The following USP28 variants were observed in gnomAD, a reference collection of about 807,000 sequenced individuals.
The protein encoded by USP28 is ubiquitin carboxyl-terminal hydrolase 28.
A neutral mutation model predicts 145.0 loss-of-function variants in USP28; 113 were observed. The ratio of observed to expected loss-of-function variants is 0.78; its 90% CI spans 0.67 to 0.91. The LOEUF is 0.91. Ranked by LOEUF, USP28 falls within the 40% of genes least tolerant of loss-of-function variation. USP28 has a pLI of 0.00. For missense variants in USP28, 1,201 were observed against 1,289.6 expected (o/e 0.93, Z 1.05); for synonymous variants, 447 against 450.9 (o/e 0.99, Z 0.11).
At chr11:113,869,161 G>T (rs535546914) in intron 1 of USP28, among the ~76,000 whole-genome samples, 1 of 151,974 alleles carries the variant, frequency 6.6e-6, no homozygotes, top group African/African-American at 2.4e-5. Flanking sequence ...GGCTGGGTTC[G>T]GTGGCTCACG....
intron 5 of USP28, among the ~76,000 whole-genome samples, chr11:113,839,687 G>A (rs1410413900): frequency 6.6e-6 from 1 of 152,094 alleles, no homozygotes. Context: ...TCAGGAGTTC[G>A]AGACCAACCT....
chr11:113,847,138 A>G (rs1005783473), intron 3 of USP28, among the ~76,000 whole-genome samples: 1 of 152,218 alleles, frequency 6.6e-6, no homozygotes, highest in African/African-American at 2.4e-5. Context: ...GCTGCTGAAA[A>G]TGCTAAGTGA....
chr11:113,833,591 A>G (rs1203210063), intron 6 of USP28, 34 bp from the exon 7 acceptor site: 1 of 1,575,472 alleles, frequency 6.3e-7, no homozygotes, highest in Non-Finnish European at 8.6e-7. Context: ...CTCTTACAAT[A>G]TCTCATTTAG....
chr11:113,874,443 A>AAAC, intron 1 of USP28: 2 of 1,118,068 alleles, frequency 1.8e-6, no homozygotes, highest in African/African-American at 1.7e-5. Flanking sequence ...AAAAAAAAAA[A>AAAC]AAAAAAGTGT....
intron 2 of USP28, 42 bp from the exon 3 acceptor site, chr11:113,852,675 A>G: frequency 6.2e-7 from 1 of 1,607,768 alleles, no homozygotes; most frequent in Non-Finnish European, 8.5e-7. Context: ...AAGTAATCAT[A>G]GAATTTAAAA....
intron 1 of USP28, among the ~76,000 whole-genome samples, chr11:113,862,789 C>A (rs1947827112): frequency 6.6e-6 from 1 of 152,028 alleles, no homozygotes; most frequent in Non-Finnish European, 1.5e-5. Context: ...AGAAAAAAAA[C>A]AATGGTCACC....
chr11:113,861,493 C>G (rs1373426078), intron 1 of USP28, among the ~76,000 whole-genome samples: 2 of 151,998 alleles, frequency 1.3e-5, no homozygotes, highest in African/African-American at 4.8e-5. Flanking sequence ...ACTATTATAT[C>G]ATGTAGAGGG....
At chr11:113,839,720 C>G (rs1313637803) in intron 5 of USP28, among the ~76,000 whole-genome samples, 3 of 152,084 alleles carry the variant, frequency 2.0e-5, no homozygotes, top group Non-Finnish European at 4.4e-5. Context: ...GAAACCCTGT[C>G]TCTACTAAAA....
chr11:113,815,196 A>T (rs757591621), exon 14 of USP28: 8 of 1,613,986 alleles, frequency 5.0e-6, no homozygotes, highest in Non-Finnish European at 6.8e-6. Context: ...GTTCAATCTC[A>T]CTCCTCCATC....
intron 23 of USP28, 104 bp downstream of exon 24, chr11:113,803,054 C>T: frequency 7.7e-7 from 1 of 1,297,620 alleles, no homozygotes. Flanking sequence ...GGGAAATCTA[C>T]AACCTGTTGG....
intron 1 of USP28, among the ~76,000 whole-genome samples, chr11:113,866,450 A>C (rs1053349704): frequency 3.3e-5 from 5 of 152,274 alleles, no homozygotes; most frequent in Non-Finnish European, 5.9e-5. Flanking sequence ...CAACAACCAA[A>C]AAACGAGACA....
chr11:113,826,518 G>A (rs1297333877), intron 11 of USP28, among the ~76,000 whole-genome samples: 1 of 151,258 alleles, frequency 6.6e-6, no homozygotes, highest in African/African-American at 2.4e-5. Flanking sequence ...TGTTGCCCAG[G>A]CTAGTCTTAA....
chr11:113,810,832 G>A (rs563280912), intron 16 of USP28, among the ~76,000 whole-genome samples: 1 of 152,152 alleles, frequency 6.6e-6, no homozygotes, highest in Non-Finnish European at 1.5e-5. Flanking sequence ...GTGCCACCAT[G>A]CCCAGCTAAT....
At chr11:113,823,524 G>T in intron 12 of USP28, 81 bp downstream of exon 12, 1 of 1,091,390 alleles carries the variant, frequency 9.2e-7, no homozygotes, top group Non-Finnish European at 1.3e-6. Context: ...TTTAAACGTT[G>T]AGTTAATTTT....
At chr11:113,871,352 G>A (rs1948793225) in intron 1 of USP28, among the ~76,000 whole-genome samples, 1 of 152,160 alleles carries the variant, frequency 6.6e-6, no homozygotes, top group Middle Eastern at 3.2e-3. Context: ...GGACTAAGGA[G>A]AAGGGACATA....
chr11:113,875,555 C>T, exon 1 of USP28: 7 of 1,124,170 alleles, frequency 6.2e-6, no homozygotes, highest in Non-Finnish European at 7.6e-6. Flanking sequence ...CGCCGCCGGC[C>T]CAGCCTCTCA....
Position 113,856,676 on chromosome 11 carries a change from C to G in USP28, c.58-2341G>C, listed in dbSNP as rs547206457. ...AGAATACCTATCTAATGCAAAAAAA[C>G]GCAAATATCTTATTCTTGTATGTTT... On this transcript the variant is annotated intron_variant, in intron 1 of 24. Coordinates refer to ENST00000003302, the Ensembl canonical transcript of USP28. Among the ~76,000 whole-genome samples, 22 of 152,158 alleles carry G rather than the reference C, an allele frequency of 1.4e-4. No homozygotes were observed. The South Asian group carries it at 4.6e-3, about 32-fold the overall frequency.
At chr11:113,815,580 T>A (rs1237874258) in intron 13 of USP28, among the ~76,000 whole-genome samples, 198 bp from the exon 14 acceptor site, 2 of 152,196 alleles carry the variant, frequency 1.3e-5, no homozygotes, top group Non-Finnish European at 2.9e-5. Flanking sequence ...TACTTTTCTA[T>A]CCCTATTTTA....
chr11:113,810,857 T>G (rs1236572543), intron 16 of USP28, among the ~76,000 whole-genome samples: 2 of 152,162 alleles, frequency 1.3e-5, no homozygotes, highest in Non-Finnish European at 1.5e-5. Context: ...GTATTTTTAG[T>G]AGACACAGGG....
Sources: gnomAD v4.1 joint callset for allele counts (sites outside exome capture counted in the v4.1 genomes callset) on GRCh38, gnomAD v4.1.1 for gene constraint, MANE v1.5 for transcripts, NCBI Gene and HGNC (gene_info 2026-07-23, HGNC 2026-07-21) for gene names.